The following INTS7 variants were observed in gnomAD, a reference collection of about 807,000 sequenced individuals.
INTS7 encodes integrator complex subunit 7.
A neutral mutation model predicts 109.2 loss-of-function variants in INTS7; 46 were observed. The observed-to-expected ratio is 0.42, with a 90% CI of 0.33 to 0.54. INTS7 has a LOEUF of 0.54. Among genes scored for constraint, INTS7 ranks in the 20% least tolerant of loss-of-function variants. INTS7 has a pLI of 0.07. For synonymous variants in INTS7, 412 were observed against 402.9 expected, an observed-to-expected ratio of 1.02 and a Z score of -0.27; for missense variants, 929 against 1,132.4, an observed-to-expected ratio of 0.82 and a Z score of 2.58.
chr1:212,024,665 G>A (rs1404972137), intron 1 of INTS7, among the ~76,000 whole-genome samples: 1 of 152,160 alleles, frequency 6.6e-6, no homozygotes, highest in African/African-American at 2.4e-5. Flanking sequence ...TCCATACAAT[G>A]AACTACTACT....
chr1:211,994,945 A>T (rs1214869602), intron 7 of INTS7, among the ~76,000 whole-genome samples: 2 of 152,010 alleles, frequency 1.3e-5, no homozygotes, highest in African/African-American at 4.8e-5. Flanking sequence ...CTCAATGCAA[A>T]TATTATTTTT....
rs748434213 is a variant in INTS7 at position 211,944,934 on chromosome 1, C to A, written c.2451G>T (p.Glu817Asp). ...GCTGGTTATTCTGGACAGCAATGGG[C>A]TCTGCAGGATTCCGGGGCGATGGTG... The part of the protein sequence containing the change: ...ALSPSPRNPA[E>D]PIAVQNNQQL... Residue 817 changes from glutamate to aspartate, a missense_variant, in exon 19 of 20, where the codon GAG (glutamate) becomes GAT (aspartate). By Grantham distance (45) the Glu-to-Asp change is conservative. This residue lies in a region of INTS7 where 787 missense variants were observed against 901.1 expected (regional missense o/e 0.87). Coordinates refer to ENST00000366994, the MANE Select transcript of INTS7 (RefSeq NM_015434.4). 6.2e-7 allele frequency: 1 copy of A among 1,614,204 alleles called. No homozygotes were observed. Among genetic ancestry groups the A allele is most frequent in the East Asian group, 2.2e-5 (1 of 44,894 alleles).
intron 8 of INTS7, among the ~76,000 whole-genome samples, chr1:211,983,198 A>T (rs1053997367): frequency 3.3e-5 from 5 of 152,184 alleles, no homozygotes; most frequent in Non-Finnish European, 5.9e-5. Context: ...AGAGAAAAAA[A>T]TTTAAATTTG....
At chr1:211,967,135 A>G (rs562041994) in intron 15 of INTS7, among the ~76,000 whole-genome samples, 3 of 152,172 alleles carry the variant, frequency 2.0e-5, no homozygotes, top group African/African-American at 7.2e-5. Context: ...GAAGTTGCTA[A>G]TAAGAAAATA....
intron 1 of INTS7, among the ~76,000 whole-genome samples, chr1:212,028,740 G>A (rs747096002): frequency 6.6e-5 from 10 of 152,186 alleles, no homozygotes; most frequent in Non-Finnish European, 1.2e-4. Flanking sequence ...TACACATGAA[G>A]TGCTTATTCT....
chr1:212,013,622 A>C (rs1375393115), intron 4 of INTS7, among the ~76,000 whole-genome samples: 1 of 152,242 alleles, frequency 6.6e-6, no homozygotes, highest in East Asian at 1.9e-4. Context: ...CTGATCACCC[A>C]GAGCAAATTC....
chr1:211,959,676 C>G lies in INTS7; in HGVS notation c.2183+6754G>C, dbSNP rs191978697. On this transcript the variant is annotated intron_variant, in intron 16 of 19. Coordinates refer to ENST00000366994, the MANE Select transcript of INTS7 (RefSeq NM_015434.4). The surrounding 1 kb of genome is among the most constrained non-coding windows in gnomAD (Gnocchi z 4.2). The stretch of plus-strand genomic sequence containing the variant: ...ATTACCGCCATTGCATTTGGAGCTC[C>G]TGTGTCAACATTGCCCTGGGAGTGA... Among the ~76,000 whole-genome samples the G allele has an allele frequency of 1.3e-5, 2 of 151,952 alleles. No homozygotes were observed. Among genetic ancestry groups the G allele is most frequent in the African/African-American group, 4.8e-5 (2 of 41,326 alleles).
intron 1 of INTS7, among the ~76,000 whole-genome samples, chr1:212,024,373 TC>T (rs907850770): frequency 1.3e-5 from 2 of 152,200 alleles, no homozygotes; most frequent in African/African-American, 4.8e-5. Flanking sequence ...CACCTAAGAT[TC>T]CTTTTGGTAG....
intron 4 of INTS7, among the ~76,000 whole-genome samples, chr1:212,012,422 T>C (rs1014640346): frequency 1.2e-4 from 18 of 152,298 alleles, no homozygotes; most frequent in African/African-American, 3.6e-4. Flanking sequence ...AGCCAGGTCA[T>C]TATTTCCGGG....
At position 211,975,235 on chromosome 1, in the gene INTS7, A is replaced by G; in HGVS notation, c.1746T>C (p.Asn582=). 6.2e-7 allele frequency: 1 copy of G among 1,614,026 alleles called. No individual in the cohort carries two copies. Residue 582 remains asparagine, a synonymous_variant, in exon 13 of 20, where the codon AAT becomes AAC. Transcript: ENST00000366994. ...EQCLTGLQEE[N]YSSALSCIAE... ...CAATGCAAGAAAGTGCTGAACTATA[A>G]TTTTCCTCTTGCAACCCAGTGAGAC...
At position 211,951,927 on chromosome 1, in the gene INTS7, T is replaced by TA. The variant is rs373954148; in HGVS notation, c.2316+641dup. On this transcript the variant is annotated intron_variant, in intron 17 of 19. Coordinates refer to ENST00000366994, the MANE Select transcript of INTS7 (RefSeq NM_015434.4). Reference sequence around the variant, plus strand: ...GTGACTGGGAAATCAGGGGAGAAGATAAAAAAAAGGGTGAGTGCTCTGAGA... The same window carrying TA: ...GTGACTGGGAAATCAGGGGAGAAGATAAAAAAAAAGGGTGAGTGCTCTGAGA... 4.1e-3 allele frequency among the ~76,000 whole-genome samples: 624 copies of TA among 151,596 alleles called. 5 individuals carry two copies. Among genetic ancestry groups the TA allele is most frequent in the African/African-American group, 0.014 (574 of 41,364 alleles).
chr1:212,033,774 G>A (rs962015322), intron 1 of INTS7, among the ~76,000 whole-genome samples: 1 of 152,106 alleles, frequency 6.6e-6, no homozygotes, highest in South Asian at 2.1e-4. Context: ...AGAATGAGGA[G>A]GAAAGTGTTT....
rs191660276 is a variant in INTS7, at chr1:212,016,898, G to A, written c.497C>T (p.Ser166Phe). Residue 166 changes from serine (S) to phenylalanine (F), a missense_variant, in exon 4 of 20, where the codon TCT becomes TTT. Coordinates refer to ENST00000366994, the MANE Select transcript of INTS7 (RefSeq NM_015434.4). The part of the protein sequence containing the change: ...EAAVFAAANF[S>F]AQSKDFAVGI... ...TTTGTAAGCTTACTTTGACTGTGCAGAGAAGTTTGCAGCAGCAAAAACAGC... is the reference window on the plus strand; with the variant it reads ...TTTGTAAGCTTACTTTGACTGTGCAAAGAAGTTTGCAGCAGCAAAAACAGC... The A allele has an allele frequency of 1.2e-6, 2 of 1,605,626 alleles. No homozygotes were observed. Among genetic ancestry groups the A allele is most frequent in the Admixed American group, 1.7e-5 (1 of 58,254 alleles).
At position 212,013,604 on chromosome 1, in the gene INTS7, C is replaced by T. The variant is rs191650095; in HGVS notation, c.510-2183G>A. Among the ~76,000 whole-genome samples, 478 of 152,362 alleles carry T rather than the reference C, an allele frequency of 3.1e-3. 1 individual carries two copies. The highest frequency in any genetic ancestry group is 5.3e-3 in the Non-Finnish European group (363 of 68,032). On this transcript the variant is annotated intron_variant, in intron 4 of 19. Coordinates refer to ENST00000366994, the MANE Select transcript of INTS7 (RefSeq NM_015434.4). ...CCTAGGCTTTCACATTCATTTATCA[C>T]TCACTCACTGATCACCCAGAGCAAA...
intron 17 of INTS7, among the ~76,000 whole-genome samples, chr1:211,948,520 G>C (rs1396811829): frequency 6.6e-6 from 1 of 152,190 alleles, no homozygotes; most frequent in African/African-American, 2.4e-5. Flanking sequence ...TCACCATTTT[G>C]CCTTTTAAAA....
chr1:212,023,960 T>C (rs1302822605), intron 1 of INTS7, among the ~76,000 whole-genome samples: 6 of 152,228 alleles, frequency 3.9e-5, no homozygotes, highest in Non-Finnish European at 8.8e-5. Flanking sequence ...TACCATTTAT[T>C]GCATAGGGAG....
At chr1:211,972,684 A>G (rs1440009323) in intron 13 of INTS7, among the ~76,000 whole-genome samples, 2 of 152,190 alleles carry the variant, frequency 1.3e-5, no homozygotes, top group Non-Finnish European at 1.5e-5. Context: ...AATTGACTTT[A>G]TATTAGTAGA....
At chr1:211,996,925 G>A (rs2970602) in intron 7 of INTS7, among the ~76,000 whole-genome samples, 5,052 of 152,186 alleles carry the variant, frequency 0.033, 93 homozygotes, top group South Asian at 0.047. Context: ...TTGGTAGGTT[G>A]AAGTGTGAGG....
intron 4 of INTS7, 78 bp from the exon 5 acceptor site, chr1:212,011,499 C>G: frequency 1.1e-6 from 1 of 885,002 alleles, no homozygotes; most frequent in Non-Finnish European, 1.8e-6. Flanking sequence ...AAATAAAACA[C>G]AATTAGCGCA....
Sources: gnomAD v4.1 joint callset for allele counts (sites outside exome capture counted in the v4.1 genomes callset) on GRCh38, gnomAD v4.1.1 for gene constraint, gnomAD v4.1.1 regional missense constraint, Gnocchi (gnomAD v3.1) non-coding constraint, MANE v1.5 for transcripts, NCBI Gene and HGNC (gene_info 2026-07-23, HGNC 2026-07-21) for gene names.